Variants in PDE1C observed in about 807,000 individuals in gnomAD.
PDE1C encodes phosphodiesterase 1C, also known as dual specificity calcium/calmodulin-dependent 3',5'-cyclic nucleotide phosphodiesterase 1C.
Under a neutral mutation model 93.1 loss-of-function variants are expected in PDE1C, and 62 were observed. That is an observed-to-expected ratio of 0.67 (90% confidence interval 0.54 to 0.82). The LOEUF (loss-of-function observed/expected upper bound fraction) is 0.82, where lower values mean the gene tolerates loss of function less well. Among genes scored for constraint, PDE1C ranks in the 40% least tolerant of loss-of-function variants. PDE1C has a pLI of 0.00. For missense variants in PDE1C, 742 were observed against 884.6 expected (o/e 0.84, Z 2.04); for synonymous variants, 325 against 310.1 (o/e 1.05, Z -0.50).
chr7:32,233,809 C>G (rs1380001737), intron 1 of PDE1C, among the ~76,000 whole-genome samples: 1 of 151,928 alleles, frequency 6.6e-6, no homozygotes, highest in Non-Finnish European at 1.5e-5. Context: ...GAACTCAATG[C>G]CATCAACCAA....
At chr7:31,628,156 A>G in the PDE1C span, among the ~76,000 whole-genome samples, 6 of 152,212 alleles carry the variant, frequency 3.9e-5, no homozygotes, top group Non-Finnish European at 7.3e-5. Context: ...AGCCATTTTC[A>G]AAAAGTGCCC....
At chr7:32,024,101 A>T (rs567420628) in intron 2 of PDE1C, among the ~76,000 whole-genome samples, 1 of 152,126 alleles carries the variant, frequency 6.6e-6, no homozygotes, top group Non-Finnish European at 1.5e-5. Context: ...GTCAATTTAT[A>T]TCAGGATGTG....
At chr7:32,405,905 G>C (rs1166619229) in intron 1 of PDE1C, among the ~76,000 whole-genome samples, 1 of 152,184 alleles carries the variant, frequency 6.6e-6, no homozygotes, top group Non-Finnish European at 1.5e-5. Context: ...AAGCCTATTA[G>C]TGTAGCTGTG....
intron 1 of PDE1C, among the ~76,000 whole-genome samples, chr7:32,314,789 A>C (rs1025980160): frequency 2.0e-5 from 3 of 152,078 alleles, no homozygotes; most frequent in Non-Finnish European, 2.9e-5. Context: ...CCAAAAGGGA[A>C]CACAGACCTA....
At chr7:32,093,228 T>A (rs1237241859) in intron 3 of PDE1C, among the ~76,000 whole-genome samples, 1 of 152,224 alleles carries the variant, frequency 6.6e-6, no homozygotes, top group Non-Finnish European at 1.5e-5. Context: ...TAATGGCCAG[T>A]CTTCTGCAGT....
intron 3 of PDE1C, among the ~76,000 whole-genome samples, chr7:32,108,740 G>A (rs987943160): frequency 6.6e-6 from 1 of 152,170 alleles, no homozygotes; most frequent in African/African-American, 2.4e-5. Flanking sequence ...TCTAGCCATG[G>A]TTTCCTCCTG....
intron 2 of PDE1C, among the ~76,000 whole-genome samples, chr7:31,882,347 G>A (rs1797357376): frequency 6.6e-6 from 1 of 152,178 alleles, no homozygotes; most frequent in Admixed American, 6.5e-5. Context: ...GAGACAGGGA[G>A]TTGGCAGGGA....
At chr7:32,244,406 C>T (rs1386878629) in intron 1 of PDE1C, among the ~76,000 whole-genome samples, 5 of 152,306 alleles carry the variant, frequency 3.3e-5, no homozygotes, top group Admixed American at 1.3e-4. Flanking sequence ...CTCAGTATTC[C>T]AGAACCAACT....
chr7:32,058,965 G>GAA (rs1794465245), intron 1 of PDE1C, among the ~76,000 whole-genome samples: 2 of 143,312 alleles, frequency 1.4e-5, no homozygotes, highest in Admixed American at 6.9e-5. Context: ...ATTATAAAAT[G>GAA]GAAAAAAAAA....
intron 16 of PDE1C, chr7:31,808,256 C>G (rs370387658): frequency 6.3e-5 from 26 of 412,292 alleles, no homozygotes; most frequent in Non-Finnish European, 1.1e-4. Context: ...TTTAGAGAGT[C>G]TGGGATTCTC....
At chr7:31,927,255 C>G (rs1803518208) in intron 2 of PDE1C, among the ~76,000 whole-genome samples, 1 of 152,206 alleles carries the variant, frequency 6.6e-6, no homozygotes, top group Non-Finnish European at 1.5e-5. Context: ...AAATCCTACT[C>G]ACTTGGCAGG....
intron 5 of PDE1C, among the ~76,000 whole-genome samples, chr7:31,874,393 G>A (rs1411730045): frequency 6.6e-6 from 1 of 152,218 alleles, no homozygotes. Flanking sequence ...GTTAGGTGAA[G>A]CATATTCACT....
intron 1 of PDE1C, among the ~76,000 whole-genome samples, chr7:32,378,198 C>A (rs979872443): frequency 6.6e-6 from 1 of 152,196 alleles, no homozygotes; most frequent in Non-Finnish European, 1.5e-5. Context: ...CTTACTCAGG[C>A]AGATGCAGAG....
At chr7:32,088,006 A>G (rs374530591) in intron 3 of PDE1C, among the ~76,000 whole-genome samples, 1 of 146,934 alleles carries the variant, frequency 6.8e-6, no homozygotes, top group Admixed American at 6.9e-5. Context: ...TATAATAATA[A>G]TAAAATAAAA....
the PDE1C span, among the ~76,000 whole-genome samples, chr7:31,623,557 C>T: frequency 6.6e-6 from 1 of 151,588 alleles, no homozygotes; most frequent in East Asian, 1.9e-4. Flanking sequence ...TTCAACAACC[C>T]TTCATACTAA....
chr7:32,307,504 A>G (rs1472248836), intron 1 of PDE1C, among the ~76,000 whole-genome samples: 2 of 152,188 alleles, frequency 1.3e-5, no homozygotes, highest in Non-Finnish European at 2.9e-5. Flanking sequence ...TGAAGTTAGG[A>G]AAGAAAAGAA....
chr7:31,689,696 C>G, the PDE1C span, among the ~76,000 whole-genome samples: 2 of 152,170 alleles, frequency 1.3e-5, no homozygotes, highest in East Asian at 1.9e-4. Flanking sequence ...TATCAATAAG[C>G]CAACACTAAA....
the PDE1C span, among the ~76,000 whole-genome samples, chr7:31,654,366 G>A: frequency 6.6e-6 from 1 of 152,210 alleles, no homozygotes; most frequent in Non-Finnish European, 1.5e-5. Context: ...GGGGAAGGCT[G>A]AGAGGGGATC....
intron 2 of PDE1C, among the ~76,000 whole-genome samples, chr7:31,932,918 A>G (rs1278038013): frequency 6.6e-6 from 1 of 152,196 alleles, no homozygotes; most frequent in Non-Finnish European, 1.5e-5. Flanking sequence ...CTTTGCAAGG[A>G]CGTGGATGAA....
Sources: allele counts gnomAD v4.1 joint callset (sites outside exome capture counted in the v4.1 genomes callset), GRCh38; gene constraint gnomAD v4.1.1; transcripts MANE v1.5; gene names NCBI Gene and HGNC (gene_info 2026-07-23, HGNC 2026-07-21).